Variants in PDE1C observed in about 807,000 individuals in gnomAD.
PDE1C encodes dual specificity calcium/calmodulin-dependent 3',5'-cyclic nucleotide phosphodiesterase 1C.
PDE1C carries 62 observed loss-of-function variants against 93.1 expected under a neutral mutation model. The observed-to-expected ratio is 0.67, with a 90% CI of 0.54 to 0.82. The LOEUF is 0.82. PDE1C is among the 40% of genes least tolerant of loss of function. The pLI is 0.00. For synonymous variants in PDE1C, 325 were observed against 310.1 expected, an observed-to-expected ratio of 1.05 and a Z score of -0.50; for missense variants, 742 against 884.6, an observed-to-expected ratio of 0.84 and a Z score of 2.04.
chr7:32,316,361 G>A (rs1025420070), intron 1 of PDE1C, among the ~76,000 whole-genome samples: 9 of 152,132 alleles, frequency 5.9e-5, no homozygotes, highest in Non-Finnish European at 8.8e-5. Context: ...CACATCTGCC[G>A]TCTAAAGACT....
Position 31,833,930 on chromosome 7 carries a change from G to T in PDE1C, c.1203+3250C>A, listed in dbSNP as rs908171465. 3.3e-5 allele frequency among the ~76,000 whole-genome samples: 5 copies of T among 152,218 alleles called. No homozygotes were observed. In the East Asian group the frequency reaches 9.6e-4, roughly 29 times the overall value. On this transcript the variant is annotated intron_variant, in intron 11 of 17. Coordinates refer to ENST00000396191, the MANE Select transcript of PDE1C (RefSeq NM_001191057.4). ...AATGTCACACATCACAGACCAAGAG[G>T]CCTAGGAGGAAAAGATGGTTTTGTG...
intron 3 of PDE1C, among the ~76,000 whole-genome samples, chr7:32,111,638 C>T (rs1000452093): frequency 6.6e-6 from 1 of 152,104 alleles, no homozygotes; most frequent in Non-Finnish European, 1.5e-5. Flanking sequence ...CAGGAGACCT[C>T]TGGACCATAG....
intron 16 of PDE1C, chr7:31,787,606 A>T (rs1340863318): frequency 6.6e-6 from 1 of 152,138 alleles, no homozygotes; most frequent in Non-Finnish European, 1.5e-5. Context: ...CTGTGGTAGG[A>T]CTATCCCTAT....
intron 15 of PDE1C, among the ~76,000 whole-genome samples, chr7:31,815,174 C>T (rs78312292): frequency 0.027 from 4,146 of 152,182 alleles, 67 homozygotes; most frequent in East Asian, 0.068. Flanking sequence ...ACATGTTCCT[C>T]GGGCATTTTA....
the PDE1C span, among the ~76,000 whole-genome samples, chr7:31,670,426 A>G: frequency 1.3e-5 from 2 of 152,180 alleles, no homozygotes; most frequent in African/African-American, 2.4e-5. Flanking sequence ...CTGTTAATCA[A>G]TTATAAATCT....
chr7:32,318,627 G>T (rs879344334), intron 1 of PDE1C, among the ~76,000 whole-genome samples: 2 of 152,200 alleles, frequency 1.3e-5, no homozygotes, highest in Non-Finnish European at 2.9e-5. Context: ...GGGCAGCGTG[G>T]TGTCTTTTCA....
At chr7:31,689,612 G>A in the PDE1C span, among the ~76,000 whole-genome samples, 20 of 152,036 alleles carry the variant, frequency 1.3e-4, no homozygotes, top group South Asian at 8.3e-4. Flanking sequence ...CATAAAGAGC[G>A]CCCCTTCTCA....
At chr7:31,705,743 G>GT in the PDE1C span, among the ~76,000 whole-genome samples, 1 of 151,716 alleles carries the variant, frequency 6.6e-6, no homozygotes, top group African/African-American at 2.4e-5. Context: ...TGGACTGGAA[G>GT]GCGTCTCATT....
At chr7:32,266,034 A>G (rs6462346) in intron 1 of PDE1C, among the ~76,000 whole-genome samples, 148,233 of 150,170 alleles carry the variant, frequency 0.99, 73,220 homozygotes, top group Non-Finnish European at 1. Flanking sequence ...CAGCACTTTG[A>G]GAGGCCGAGG....
intron 17 of PDE1C, among the ~76,000 whole-genome samples, chr7:31,753,921 A>T (rs1374569524): frequency 1.3e-5 from 2 of 152,244 alleles, no homozygotes; most frequent in Non-Finnish European, 2.9e-5. Flanking sequence ...TTAGCATTGT[A>T]TGTAAGCTTT....
the PDE1C span, among the ~76,000 whole-genome samples, chr7:31,640,474 C>T: frequency 6.6e-6 from 1 of 152,334 alleles, no homozygotes; most frequent in South Asian, 2.1e-4. Context: ...AGCTCTGTTT[C>T]CTCAGCTTCA....
chr7:32,062,252 C>G (rs1794901192), intron 1 of PDE1C, among the ~76,000 whole-genome samples: 1 of 152,186 alleles, frequency 6.6e-6, no homozygotes, highest in African/African-American at 2.4e-5. Context: ...TCCTCATCCC[C>G]CATATCCAAG....
intron 1 of PDE1C, among the ~76,000 whole-genome samples, chr7:32,270,003 T>C (rs573076245): frequency 6.6e-6 from 1 of 152,080 alleles, no homozygotes; most frequent in Non-Finnish European, 1.5e-5. Context: ...CTCAAACTCC[T>C]GGCCTCAAGC....
intron 16 of PDE1C, among the ~76,000 whole-genome samples, chr7:31,791,938 T>C (rs1165849496): frequency 6.6e-6 from 1 of 152,072 alleles, no homozygotes; most frequent in African/African-American, 2.4e-5. Flanking sequence ...GGTGGAGTGT[T>C]CCCTCTGGCT....
intron 7 of PDE1C, 197 bp from the exon 8 acceptor site, chr7:31,850,938 C>T (rs1468382762): frequency 1.8e-6 from 1 of 544,724 alleles, no homozygotes; most frequent in African/African-American, 1.9e-5. Flanking sequence ...ACAATGTGTT[C>T]AGCAAGGTTG....
At chr7:32,205,381 A>G (rs1187449838) in intron 2 of PDE1C, among the ~76,000 whole-genome samples, 1 of 152,162 alleles carries the variant, frequency 6.6e-6, no homozygotes, top group Non-Finnish European at 1.5e-5. Flanking sequence ...GACTTGGAGA[A>G]CCTTTCTATC....
upstream of PDE1C, among the ~76,000 whole-genome samples, chr7:32,072,091 A>G (rs780621737): frequency 6.6e-6 from 1 of 152,200 alleles, no homozygotes; most frequent in Non-Finnish European, 1.5e-5. Context: ...CATTCACCTG[A>G]CCTTAACAAA....
At chr7:32,098,690 T>G (rs1383842778) in intron 3 of PDE1C, among the ~76,000 whole-genome samples, 2 of 152,248 alleles carry the variant, frequency 1.3e-5, no homozygotes, top group Non-Finnish European at 2.9e-5. Context: ...GAGTTTCTGT[T>G]TATGCACCCT....
intron 1 of PDE1C, among the ~76,000 whole-genome samples, chr7:32,359,407 GTATA>G (rs1198938578): frequency 4.0e-5 from 1 of 25,188 alleles, no homozygotes; most frequent in African/African-American, 7.7e-5. Flanking sequence ...GTGAATATAT[GTATA>G]TGTATATGTA....
Sources: gnomAD v4.1 joint callset for allele counts (sites outside exome capture counted in the v4.1 genomes callset) on GRCh38, gnomAD v4.1.1 for gene constraint, MANE v1.5 for transcripts, NCBI Gene and HGNC (gene_info 2026-07-23, HGNC 2026-07-21) for gene names.